The following PSMC4 variants were observed in gnomAD, a reference collection of about 807,000 sequenced individuals.
The protein encoded by PSMC4 is 26S proteasome regulatory subunit 6B.
A neutral mutation model predicts 48.4 loss-of-function variants in PSMC4; 13 were observed. That is an observed-to-expected ratio of 0.27 (90% CI 0.18 to 0.43). The LOEUF is 0.43. Among genes scored for constraint, PSMC4 ranks in the 20% least tolerant of loss-of-function variants. The pLI, the probability that PSMC4 is intolerant of heterozygous loss-of-function variation, is 1.00. For missense variants in PSMC4, 262 were observed against 555.9 expected (o/e 0.47, Z 5.32); for synonymous variants, 202 against 212.3 (o/e 0.95, Z 0.42).
Position 39,971,201 on chromosome 19 carries a change from C to T in PSMC4, c.-2C>T, listed in dbSNP as rs1019690431. On this transcript the variant is annotated 5_prime_UTR_variant, in exon 1 of 11. Coordinates refer to ENST00000157812, the MANE Select transcript of PSMC4 (RefSeq NM_006503.4). The stretch of plus-strand genomic sequence containing the variant: ...GGCCACACAGAGGCCGGCTTGGTCA[C>T]TATGGAGGAGATAGGCATCTTGGTG... The T allele has an allele frequency of 1.2e-6, 2 of 1,614,192 alleles. No individual in the cohort carries two copies. The highest frequency in any genetic ancestry group is 1.3e-5 in the African/African-American group (1 of 75,052).
In PSMC4 at chr19:39,980,180, G is replaced by T. The variant is rs1971265580; in HGVS notation, c.918+34G>T. Reference sequence around the variant, plus strand: ...TTTGGGATGGACAAGGGGAGGTGTGGTGTAGGAACTGGGGAAAGTTGGGGG... The same window carrying T: ...TTTGGGATGGACAAGGGGAGGTGTGTTGTAGGAACTGGGGAAAGTTGGGGG... On this transcript the variant is annotated intron_variant, in intron 8 of 10. Transcript: ENST00000157812. This position sits in a 1 kb window ranked among gnomAD's most constrained non-coding sequence, Gnocchi z 4.8. 6.2e-7 allele frequency: 1 copy of T among 1,613,756 alleles called. No individual in the cohort carries two copies. The highest frequency in any genetic ancestry group is 1.3e-5 in the African/African-American group (1 of 74,856).
chr19:39,975,225 T>C (rs1307387293), intron 6 of PSMC4, among the ~76,000 whole-genome samples: 1 of 152,180 alleles, frequency 6.6e-6, no homozygotes, highest in African/African-American at 2.4e-5. Context: ...ACTTGTTTCA[T>C]ACAGATGTGC....
chr19:39,979,214 TTC>T (rs532636145), intron 6 of PSMC4, among the ~76,000 whole-genome samples: 1 of 152,204 alleles, frequency 6.6e-6, no homozygotes, highest in Non-Finnish European at 1.5e-5. Context: ...ACTGGTTTTT[TTC>T]TTTCTTATTT....
chr19:39,972,692 T>C, intron 3 of PSMC4, 137 bp downstream of exon 3: 2 of 574,564 alleles, frequency 3.5e-6, no homozygotes, highest in Non-Finnish European at 6.0e-6. Flanking sequence ...AAGGTAGAAA[T>C]ACATACATAT....
rs1568377256 is a variant in PSMC4 at position 39,980,271 on chromosome 19, GC to G, written c.919-9del. ...GGAGTGCAGAGATCTGAGCTGGCCTGCCCCCCAATGTCAGGTAATCATGGCC... is the reference window on the plus strand; with the variant it reads ...GGAGTGCAGAGATCTGAGCTGGCCTGCCCCCAATGTCAGGTAATCATGGCC... On this transcript the variant is annotated splice_polypyrimidine_tract_variant and intron_variant, in intron 8 of 10. Coordinates refer to ENST00000157812, the MANE Select transcript of PSMC4 (RefSeq NM_006503.4). This position sits in a 1 kb window ranked among gnomAD's most constrained non-coding sequence, Gnocchi z 4.8. 6.2e-7 allele frequency: 1 copy of G among 1,613,668 alleles called. No homozygotes were observed. The highest frequency in any genetic ancestry group is 1.1e-5 in the South Asian group (1 of 91,072).
At position 39,972,343 on chromosome 19, in the gene PSMC4, C is replaced by T. The variant is rs186459190; in HGVS notation, c.136-26C>T. On this transcript the variant is annotated intron_variant, in intron 2 of 10. Coordinates refer to ENST00000157812, the MANE Select transcript of PSMC4 (RefSeq NM_006503.4). The stretch of plus-strand genomic sequence containing the variant: ...CTGGATCAGCAAGTCTGGAGCCATC[C>T]CCTTCTGTCCCCTCTCTGCTCGCAG... 2.9e-4 allele frequency: 465 copies of T among 1,612,144 alleles called. 2 individuals carry two copies. The African/African-American group carries it at 5.6e-3, about 19-fold the overall frequency.
Position 39,974,212 on chromosome 19 carries a change from G to T in PSMC4, c.323-82G>T. 6.5e-7 allele frequency: 1 copy of T among 1,540,484 alleles called. No homozygotes were observed. The highest frequency in any genetic ancestry group is 8.8e-7 in the Non-Finnish European group (1 of 1,131,604). On this transcript the variant is annotated intron_variant, in intron 3 of 10. Transcript: ENST00000157812. This position sits in a 1 kb window ranked among gnomAD's most constrained non-coding sequence, Gnocchi z 5.5. ...TCAGGGTCTGAACCAGAGATGTTGG[G>T]GTGTGGAGATTAGGAGGGAGGAAGG...
rs541178427 is a variant in PSMC4, at chr19:39,971,334, C to T, written c.36+96C>T. The T allele has an allele frequency of 8.1e-6, 12 of 1,489,910 alleles. No individual in the cohort carries two copies. The African/African-American group carries it at 1.2e-4, about 15-fold the overall frequency. The allele number at this position is 1,489,910 out of a possible 1,614,324, so 92.3% of individuals were successfully genotyped here. On this transcript the variant is annotated intron_variant, in intron 1 of 10. Coordinates refer to ENST00000157812, the MANE Select transcript of PSMC4 (RefSeq NM_006503.4). ...GGGGGAGGAATGGCTTCCAGGACCC[C>T]GGCCCAGGTTGGGGTTATTTTAGAG...
intron 6 of PSMC4, among the ~76,000 whole-genome samples, chr19:39,975,902 C>T (rs1971189628): frequency 6.6e-6 from 1 of 152,116 alleles, no homozygotes; most frequent in Non-Finnish European, 1.5e-5. Flanking sequence ...AGAACTCAGT[C>T]ATTCAGTGAC....
At chr19:39,977,554 G>T (rs940949109) in intron 6 of PSMC4, among the ~76,000 whole-genome samples, 1 of 152,068 alleles carries the variant, frequency 6.6e-6, no homozygotes, top group Non-Finnish European at 1.5e-5. Flanking sequence ...AGGCGCGGTG[G>T]CTCACGGCTA....
chr19:39,980,813 C>T lies in PSMC4; in HGVS notation c.1143+96C>T. On this transcript the variant is annotated intron_variant, in intron 10 of 10. Transcript: ENST00000157812. This position sits in a 1 kb window ranked among gnomAD's most constrained non-coding sequence, Gnocchi z 4.8. ...TGCAGTCCTGTCCCCTCATGGCTGCCCTGGGTCGTGGGCGCCATCTCTCTC... is the reference window on the plus strand; with the variant it reads ...TGCAGTCCTGTCCCCTCATGGCTGCTCTGGGTCGTGGGCGCCATCTCTCTC... The T allele has an allele frequency of 1.6e-6, 2 of 1,278,704 alleles. No homozygotes were observed. The highest frequency in any genetic ancestry group is 2.3e-6 in the Non-Finnish European group (2 of 877,210). The allele number at this position is 1,278,704 out of a possible 1,614,324, so 79.2% of individuals were successfully genotyped here.
chr19:39,972,785 G>C (rs1971124532), intron 3 of PSMC4, among the ~76,000 whole-genome samples: 1 of 151,664 alleles, frequency 6.6e-6, no homozygotes, highest in South Asian at 2.1e-4. Context: ...TTTTGCTCTT[G>C]TCCAGGCTGG....
rs200412097 is a variant in PSMC4, at chr19:39,974,737, C to T, written c.582C>T (p.Ile194=). The T allele has an allele frequency of 1.0e-4, 163 of 1,614,038 alleles. No homozygotes were observed. The East Asian group carries it at 3.1e-3, about 31-fold the overall frequency. The change falls in exon 6 of 11, where the codon ATC becomes ATT. Residue 194 remains isoleucine, a splice_region_variant and synonymous_variant. Transcript: ENST00000157812. This position sits in a 1 kb window ranked among gnomAD's most constrained non-coding sequence, Gnocchi z 5.5. The part of the protein sequence containing the change: ...PLTHFELYKQ[I]GIDPPRGVLM... ...CTCTTCCTTCCTCTGGGTTTCAGAT[C>T]GGCATCGATCCCCCCCGAGGCGTCC...
intron 3 of PSMC4, among the ~76,000 whole-genome samples, chr19:39,973,989 G>T (rs371569245): frequency 3.1e-4 from 47 of 152,252 alleles, no homozygotes; most frequent in African/African-American, 1.1e-3. Flanking sequence ...GGAGGCTGCT[G>T]GTCAGCCAGG....
intron 3 of PSMC4, among the ~76,000 whole-genome samples, chr19:39,973,949 G>T (rs1971149100): frequency 7.1e-6 from 1 of 140,412 alleles, no homozygotes; most frequent in African/African-American, 3.3e-5. Flanking sequence ...AAGACAGGGA[G>T]GGCAGTCCAG....
At chr19:39,973,705 T>G (rs1280065964) in intron 3 of PSMC4, among the ~76,000 whole-genome samples, 1 of 152,138 alleles carries the variant, frequency 6.6e-6, no homozygotes, top group Non-Finnish European at 1.5e-5. Context: ...TCATTGTCAC[T>G]GGCATCTTAT....
Position 39,981,187 on chromosome 19 carries a change from A to G in PSMC4, c.1144-5A>G. The stretch of plus-strand genomic sequence containing the variant: ...AAGTAGATTTTAACTCTCATCCTTC[A>G]ACAGAGTGGAATGTTGGCTGTCCGT... On this transcript the variant is annotated splice_region_variant and splice_polypyrimidine_tract_variant and intron_variant, in intron 10 of 10. Transcript: ENST00000157812. 1.2e-6 allele frequency: 2 copies of G among 1,611,580 alleles called. No individual in the cohort carries two copies. Among genetic ancestry groups the G allele is most frequent in the Non-Finnish European group, 1.7e-6 (2 of 1,177,834 alleles).
chr19:39,972,094 C>T (rs374386757), intron 1 of PSMC4, 52 bp from the exon 2 acceptor site: 6 of 1,530,976 alleles, frequency 3.9e-6, no homozygotes, highest in Non-Finnish European at 5.4e-6. Context: ...AGTTGGGAAG[C>T]TTTCATGAGA....
intron 6 of PSMC4, among the ~76,000 whole-genome samples, chr19:39,977,899 C>T (rs1971229472): frequency 2.0e-5 from 3 of 151,292 alleles, no homozygotes; most frequent in South Asian, 2.1e-4. Context: ...CCCACTGCAA[C>T]CTTAATCTCC....
Sources: gnomAD v4.1 joint callset for allele counts (sites outside exome capture counted in the v4.1 genomes callset) on GRCh38, gnomAD v4.1.1 for gene constraint, Gnocchi (gnomAD v3.1) non-coding constraint, MANE v1.5 for transcripts, NCBI Gene and HGNC (gene_info 2026-07-23, HGNC 2026-07-21) for gene names.